Variants in PHKB observed in about 807,000 individuals in gnomAD.
PHKB encodes phosphorylase b kinase regulatory subunit beta.
Under a neutral mutation model 152.1 loss-of-function variants are expected in PHKB, and 122 were observed. The observed-to-expected ratio is 0.80, with a 90% CI of 0.69 to 0.93. The LOEUF is 0.93. PHKB is among the 40% of genes least tolerant of loss of function. PHKB has a pLI of 0.00. For missense variants in PHKB, 1,304 were observed against 1,328.4 expected (o/e 0.98, Z 0.29); for synonymous variants, 436 against 464.9 (o/e 0.94, Z 0.80).
At chr16:47,699,098 C>T in intron 30 of PHKB, 131 bp from the exon 31 acceptor site, 1 of 832,390 alleles carries the variant, frequency 1.2e-6, no homozygotes, top group South Asian at 1.4e-5. Flanking sequence ...AAGAAAAGCT[C>T]AGGAATCTCA....
At chr16:47,539,498 C>T (rs1971012797) in intron 6 of PHKB, among the ~76,000 whole-genome samples, 1 of 151,510 alleles carries the variant, frequency 6.6e-6, no homozygotes, top group African/African-American at 2.4e-5. Flanking sequence ...TCCTTATAAA[C>T]AATAATAGAT....
intron 20 of PHKB, 130 bp from the exon 21 acceptor site, chr16:47,660,376 C>A: frequency 1.4e-6 from 1 of 725,258 alleles, no homozygotes; most frequent in Non-Finnish European, 2.4e-6. Flanking sequence ...TTAAGAATTG[C>A]TTCAGAATTG....
At chr16:47,552,920 C>T (rs1971299526) in intron 7 of PHKB, among the ~76,000 whole-genome samples, 2 of 152,182 alleles carry the variant, frequency 1.3e-5, no homozygotes, top group African/African-American at 2.4e-5. Context: ...GTCTGATGGG[C>T]TTCCCTTTGT....
At position 47,515,931 on chromosome 16, in the gene PHKB, C is replaced by CT. The variant is rs753864226; in HGVS notation, c.594+345dup. Among the ~76,000 whole-genome samples the CT allele has an allele frequency of 6.3e-3, 885 of 140,298 alleles. 3 individuals are homozygous for CT. The highest frequency in any genetic ancestry group is 9.4e-3 in the African/African-American group (363 of 38,544). The allele number at this position is 140,298 out of a possible 152,430, so 92.0% of individuals were successfully genotyped here. A position where few individuals can be genotyped will look rare whatever the true frequency, so the allele number is the denominator to read the frequency against. On this transcript the variant is annotated intron_variant, in intron 6 of 30. Transcript: ENST00000323584. ...ATTTGCAGATTTTCTCAATTATTGTCTTTTTTTTTTTTTTTGAGATGGAGT... is the reference window on the plus strand; with the variant it reads ...ATTTGCAGATTTTCTCAATTATTGTCTTTTTTTTTTTTTTTTGAGATGGAGT...
intron 1 of PHKB, among the ~76,000 whole-genome samples, chr16:47,475,370 C>G (rs912773888): frequency 6.6e-6 from 1 of 152,130 alleles, no homozygotes; most frequent in African/African-American, 2.4e-5. Context: ...GGGAACTTGA[C>G]CACAGATCTC....
intron 13 of PHKB, among the ~76,000 whole-genome samples, chr16:47,597,472 C>G (rs1438889804): frequency 6.6e-6 from 1 of 151,986 alleles, no homozygotes; most frequent in East Asian, 1.9e-4. Flanking sequence ...TAAGTTAATG[C>G]TGTTTTCAGT....
chr16:47,641,405 A>G (rs1973019473), intron 15 of PHKB, among the ~76,000 whole-genome samples, 194 bp from the exon 16 acceptor site: 1 of 152,192 alleles, frequency 6.6e-6, no homozygotes, highest in African/African-American at 2.4e-5. Context: ...GTCAGCCCCT[A>G]ATGTTTCCAT....
chr16:47,633,082 A>G (rs895785091), intron 14 of PHKB, among the ~76,000 whole-genome samples: 10 of 152,308 alleles, frequency 6.6e-5, no homozygotes, highest in East Asian at 1.9e-4. Context: ...GAAAAATACA[A>G]TCTGACTTTA....
chr16:47,701,263 A>AT lies in PHKB; in HGVS notation c.*1904dup, dbSNP rs941715537. ...AGTAAACTGTGTTGTAGTTTTAAGAATTTTTTTAAAAAATCTGATTAGCTG... is the reference window on the plus strand; with the variant it reads ...AGTAAACTGTGTTGTAGTTTTAAGAATTTTTTTTAAAAAATCTGATTAGCTG... On this transcript the variant is annotated 3_prime_UTR_variant, in exon 31 of 31. Transcript: ENST00000323584. The AT allele has an allele frequency of 2.0e-5, 3 of 152,166 alleles. No homozygotes were observed. The highest frequency in any genetic ancestry group is 4.4e-5 in the Non-Finnish European group (3 of 68,038). 9.4% of individuals were successfully genotyped at this position (152,166 alleles called of 1,614,324 possible).
At chr16:47,580,120 A>G (rs1443755143) in intron 7 of PHKB, among the ~76,000 whole-genome samples, 175 bp from the exon 8 acceptor site, 1 of 152,170 alleles carries the variant, frequency 6.6e-6, no homozygotes, top group African/African-American at 2.4e-5. Context: ...TAACTATAAA[A>G]AAGAAAAATT....
Position 47,689,102 on chromosome 16 carries a change from G to A in PHKB, c.2692G>A (p.Asp898Asn). Reference sequence around the variant, plus strand: ...CCGTGGCGGAGACAAGCCAGCCTTGGACTTGTATCAGCTGTCACCTAGTGA... The same window carrying A: ...CCGTGGCGGAGACAAGCCAGCCTTGAACTTGTATCAGCTGTCACCTAGTGA... Reference protein sequence around the residue: ...QIRGGDKPALDLYQLSPSEVK... With the variant: ...QIRGGDKPALNLYQLSPSEVK... The change falls in exon 27 of 31, where the codon GAC (aspartate) becomes AAC (asparagine). Residue 898 changes from aspartate (D) to asparagine (N), a missense_variant. Coordinates refer to ENST00000323584, the MANE Select transcript of PHKB (RefSeq NM_000293.3). 1 of 1,614,022 alleles carries A rather than the reference G, an allele frequency of 6.2e-7. No individual in the cohort carries two copies. Among genetic ancestry groups the A allele is most frequent in the Non-Finnish European group, 8.5e-7 (1 of 1,179,956 alleles).
chr16:47,515,673 C>T, intron 6 of PHKB, 72 bp downstream of exon 6: 3 of 750,356 alleles, frequency 4.0e-6, no homozygotes, highest in Non-Finnish European at 7.3e-6. Flanking sequence ...TTAGTTTTCA[C>T]AACTTATTTT....
At chr16:47,614,687 T>A (rs1312996839) in intron 14 of PHKB, among the ~76,000 whole-genome samples, 2 of 152,224 alleles carry the variant, frequency 1.3e-5, no homozygotes, top group African/African-American at 4.8e-5. Flanking sequence ...ACATAATTTT[T>A]AAAAATATTT....
At chr16:47,582,501 T>C (rs767971139) in intron 8 of PHKB, among the ~76,000 whole-genome samples, 7 of 152,200 alleles carry the variant, frequency 4.6e-5, no homozygotes, top group Non-Finnish European at 8.8e-5. Context: ...TTTCTCAATC[T>C]TGACTATGCA....
intron 6 of PHKB, among the ~76,000 whole-genome samples, chr16:47,536,673 A>C (rs1397861550): frequency 6.6e-6 from 1 of 152,240 alleles, no homozygotes; most frequent in African/African-American, 2.4e-5. Flanking sequence ...AGTGAGGAAC[A>C]TAAGGCAGCT....
intron 7 of PHKB, among the ~76,000 whole-genome samples, chr16:47,577,429 T>G (rs1314884272): frequency 1.3e-5 from 2 of 152,166 alleles, no homozygotes; most frequent in Non-Finnish European, 2.9e-5. Context: ...TTTACCCATA[T>G]TTATGCTTAC....
intron 3 of PHKB, among the ~76,000 whole-genome samples, chr16:47,500,853 T>A (rs1970313731): frequency 6.6e-6 from 1 of 152,212 alleles, no homozygotes; most frequent in Non-Finnish European, 1.5e-5. Flanking sequence ...AATATTAATT[T>A]CCTGAAAGCG....
At chr16:47,541,494 T>A (rs953112054) in intron 6 of PHKB, among the ~76,000 whole-genome samples, 2 of 152,218 alleles carry the variant, frequency 1.3e-5, no homozygotes, top group Non-Finnish European at 1.5e-5. Context: ...TGATTTATAA[T>A]CCTTTGGGAA....
intron 1 of PHKB, among the ~76,000 whole-genome samples, chr16:47,479,914 T>G (rs1376538621): frequency 6.6e-6 from 1 of 152,216 alleles, no homozygotes; most frequent in Non-Finnish European, 1.5e-5. Context: ...GGTTCTGACT[T>G]CTGGCCTGGA....
Sources: gnomAD v4.1 joint callset for allele counts (sites outside exome capture counted in the v4.1 genomes callset) on GRCh38, gnomAD v4.1.1 for gene constraint, MANE v1.5 for transcripts, NCBI Gene and HGNC (gene_info 2026-07-23, HGNC 2026-07-21) for gene names.